GCLM: variants seen among roughly 807,000 people sequenced by gnomAD.
GCLM encodes the protein glutamate-cysteine ligase modifier subunit.
GCLM carries 15 observed loss-of-function variants against 36.0 expected under a neutral mutation model. The ratio of observed to expected loss-of-function variants is 0.42; its 90% CI spans 0.28 to 0.64. GCLM has a LOEUF of 0.64. Among genes scored for constraint, GCLM ranks in the 30% least tolerant of loss-of-function variants. The probability of loss-of-function intolerance (pLI) is 0.25; values close to 1 mark genes in which losing one functional copy is unlikely to be tolerated. For missense variants in GCLM, 242 were observed against 325.5 expected, an observed-to-expected ratio of 0.74 and a Z score of 1.97; for synonymous variants, 129 against 122.8, an observed-to-expected ratio of 1.05 and a Z score of -0.34.
chr1:93,909,211 G>A lies in GCLM; in HGVS notation c.-48C>T. The A allele has an allele frequency of 8.7e-7, 1 of 1,151,852 alleles. No individual in the cohort carries two copies. 71.4% of individuals were successfully genotyped at this position (1,151,852 alleles called of 1,614,324 possible). On this transcript the variant is annotated 5_prime_UTR_variant, in exon 1 of 7. Transcript: ENST00000370238. Reference sequence around the variant, plus strand: ...CGCAGCGAAGGGGCTGCGGGCGGGCGGGCAGGCAGGCGGCCGCCCCACAGG... The same window carrying A: ...CGCAGCGAAGGGGCTGCGGGCGGGCAGGCAGGCAGGCGGCCGCCCCACAGG...
Position 93,908,336 on chromosome 1 carries a change from A to G in GCLM, c.126+702T>C, listed in dbSNP as rs549232835. ...AGTCTTTTTATTTTCCAGTTTTTAC[A>G]AAACTTTAATTTTTGAATTGATAGA... On this transcript the variant is annotated intron_variant, in intron 1 of 6. Coordinates refer to ENST00000370238, the MANE Select transcript of GCLM (RefSeq NM_002061.4). 2.1e-3 allele frequency among the ~76,000 whole-genome samples: 314 copies of G among 152,350 alleles called. 1 individual carries two copies. Among genetic ancestry groups the G allele is most frequent in the Non-Finnish European group, 3.6e-3 (244 of 68,032 alleles).
chr1:93,909,001 GC>G (rs1383238446), intron 1 of GCLM, 36 bp downstream of exon 1: 1 of 1,418,944 alleles, frequency 7.0e-7, no homozygotes, highest in Non-Finnish European at 9.2e-7. Flanking sequence ...CCCGAGGCCT[GC>G]CCCGGGAGCC....
intron 6 of GCLM, among the ~76,000 whole-genome samples, chr1:93,892,815 GT>G (rs1656583929): frequency 6.6e-6 from 1 of 151,964 alleles, no homozygotes; most frequent in Non-Finnish European, 1.5e-5. Context: ...AAAGGATTGA[GT>G]TTTTTTCAAG....
chr1:93,890,807 G>T lies in GCLM; in HGVS notation c.656-1648C>A, dbSNP rs181150247. Among the ~76,000 whole-genome samples, 6 of 152,026 alleles carry T rather than the reference G, an allele frequency of 3.9e-5. No individual in the cohort carries two copies. The East Asian group carries it at 1.2e-3, about 29-fold the overall frequency. On this transcript the variant is annotated intron_variant, in intron 6 of 6. Transcript: ENST00000370238. ...ATATTGCCAACTGCTTTACAGAAAG[G>T]CTATACTTTACACTTCTACCAGCAG...
chr1:93,891,406 G>A (rs12090230), intron 6 of GCLM, among the ~76,000 whole-genome samples: 12,286 of 152,130 alleles, frequency 0.081, 1,267 homozygotes, highest in African/African-American at 0.24. Context: ...CCTTCCTGCA[G>A]GTCTCTGATT....
intron 6 of GCLM, among the ~76,000 whole-genome samples, chr1:93,890,085 A>G (rs946940823): frequency 6.6e-6 from 1 of 151,642 alleles, no homozygotes; most frequent in Non-Finnish European, 1.5e-5. Context: ...CTAATTTTAT[A>G]TTTTAGTAGA....
chr1:93,905,103 G>A (rs1021445144), intron 1 of GCLM, among the ~76,000 whole-genome samples: 1 of 150,822 alleles, frequency 6.6e-6, no homozygotes, highest in Admixed American at 6.6e-5. Context: ...AACCCAGGAG[G>A]TGGAGGTTAT....
intron 3 of GCLM, among the ~76,000 whole-genome samples, chr1:93,898,514 AT>A (rs976229437): frequency 6.6e-6 from 1 of 151,972 alleles, no homozygotes; most frequent in Non-Finnish European, 1.5e-5. Context: ...ACTTTTAAAA[AT>A]TTTTTGTAGA....
At chr1:93,902,410 C>T (rs1656989323) in intron 2 of GCLM, among the ~76,000 whole-genome samples, 1 of 150,976 alleles carries the variant, frequency 6.6e-6, no homozygotes, top group Admixed American at 6.6e-5. Flanking sequence ...GATCTCCTGA[C>T]CTTGTGATCC....
At chr1:93,895,999 G>A (rs1390545241) in intron 5 of GCLM, among the ~76,000 whole-genome samples, 1 of 135,950 alleles carries the variant, frequency 7.4e-6, no homozygotes, top group Non-Finnish European at 1.5e-5. Context: ...GTCTTGCTCT[G>A]TCACCCAGGC....
chr1:93,896,370 G>A (rs554987315), intron 5 of GCLM, among the ~76,000 whole-genome samples: 14 of 151,986 alleles, frequency 9.2e-5, no homozygotes, highest in Non-Finnish European at 1.9e-4. Flanking sequence ...TAGTATTTTT[G>A]TCACTCATTT....
At chr1:93,901,218 C>T (rs563614002) in intron 3 of GCLM, among the ~76,000 whole-genome samples, 5 of 152,260 alleles carry the variant, frequency 3.3e-5, no homozygotes, top group African/African-American at 1.2e-4. Context: ...ACATTGCTTA[C>T]CAGTATCTTA....
chr1:93,896,497 C>A, intron 5 of GCLM, 121 bp downstream of exon 5: 1 of 719,100 alleles, frequency 1.4e-6, no homozygotes, highest in Non-Finnish European at 2.5e-6. Context: ...AACAAAACTC[C>A]CACATGTGGA....
chr1:93,902,803 G>T (rs1369319331), intron 2 of GCLM, among the ~76,000 whole-genome samples: 2 of 152,080 alleles, frequency 1.3e-5, no homozygotes, highest in Non-Finnish European at 2.9e-5. Context: ...TACAAATCCT[G>T]TGCTCTGCCT....
intron 3 of GCLM, among the ~76,000 whole-genome samples, chr1:93,900,835 A>G (rs889707837): frequency 6.6e-6 from 1 of 152,224 alleles, no homozygotes; most frequent in African/African-American, 2.4e-5. Context: ...ACTTACTTTG[A>G]GGCAAACACT....
chr1:93,898,139 T>A (rs554753721), intron 3 of GCLM, among the ~76,000 whole-genome samples: 21 of 152,038 alleles, frequency 1.4e-4, no homozygotes, highest in African/African-American at 4.3e-4. Flanking sequence ...AAGTAAATAT[T>A]TATTTCCCAT....
intron 1 of GCLM, among the ~76,000 whole-genome samples, chr1:93,905,957 T>C (rs757851160): frequency 4.6e-5 from 7 of 152,176 alleles, no homozygotes; most frequent in Non-Finnish European, 8.8e-5. Context: ...GGGCAATCAA[T>C]GAAAACACAA....
intron 1 of GCLM, 86 bp downstream of exon 1, chr1:93,908,952 C>T: frequency 8.8e-7 from 1 of 1,135,278 alleles, no homozygotes; most frequent in East Asian, 3.4e-5. Context: ...CCTCCCTCGC[C>T]CGCGGGCGCT....
chr1:93,891,072 G>A (rs148448248), intron 6 of GCLM, among the ~76,000 whole-genome samples: 63 of 152,020 alleles, frequency 4.1e-4, no homozygotes, highest in African/African-American at 1.5e-3. Context: ...TATTTTTGTA[G>A]ATATGAGGTC....
Sources: gnomAD v4.1 joint callset for allele counts (sites outside exome capture counted in the v4.1 genomes callset) on GRCh38, gnomAD v4.1.1 for gene constraint, MANE v1.5 for transcripts, NCBI Gene and HGNC (gene_info 2026-07-23, HGNC 2026-07-21) for gene names.